SERINC2: variants seen among roughly 807,000 people sequenced by gnomAD.
SERINC2 encodes the protein tumor differentially expressed protein 2.
In SERINC2, 56 loss-of-function variants were observed where a neutral mutation model predicts 54.2. That is an observed-to-expected ratio of 1.03 (90% confidence interval 0.83 to 1.29). The LOEUF is 1.29. Among genes scored for constraint, SERINC2 ranks in the 50% most tolerant of loss-of-function variants. The pLI, the probability that SERINC2 is intolerant of heterozygous loss-of-function variation, is 0.00. For synonymous variants in SERINC2, 272 were observed against 253.1 expected (o/e 1.07, Z -0.71); for missense variants, 614 against 607.4 (o/e 1.01, Z -0.12).
chr1:31,432,740 T>C (rs1206278332), intron 8 of SERINC2, among the ~76,000 whole-genome samples: 4 of 152,108 alleles, frequency 2.6e-5, no homozygotes, highest in Admixed American at 6.5e-5. Flanking sequence ...GATTATCCCT[T>C]ATTTTACAGA....
intron 1 of SERINC2, among the ~76,000 whole-genome samples, chr1:31,416,058 C>A (rs1553132168): frequency 6.6e-6 from 1 of 152,140 alleles, no homozygotes; most frequent in African/African-American, 2.4e-5. Flanking sequence ...TGGGTCAGAC[C>A]ACTGGACTCG....
chr1:31,432,444 A>G (rs1207278817), intron 8 of SERINC2, among the ~76,000 whole-genome samples: 2 of 152,096 alleles, frequency 1.3e-5, no homozygotes, highest in African/African-American at 2.4e-5. Flanking sequence ...TAGTGTAAGC[A>G]TGAAGGAAAG....
At chr1:31,423,053 A>G (rs546192837) in intron 1 of SERINC2, among the ~76,000 whole-genome samples, 29 of 152,362 alleles carry the variant, frequency 1.9e-4, no homozygotes, top group African/African-American at 6.5e-4. Flanking sequence ...TTCCTTCAAC[A>G]GATAGCCTGT....
chr1:31,414,178 G>T, intron 1 of SERINC2: 4 of 1,399,972 alleles, frequency 2.9e-6, no homozygotes, highest in Non-Finnish European at 3.7e-6. Flanking sequence ...CTGTGGGGAG[G>T]CCAACCTCTG....
At chr1:31,418,716 C>T (rs1553132493) in intron 1 of SERINC2, among the ~76,000 whole-genome samples, 3 of 152,166 alleles carry the variant, frequency 2.0e-5, no homozygotes, top group African/African-American at 7.2e-5. Flanking sequence ...CAGCCCTCAG[C>T]TGCCTCCCTT....
At chr1:31,412,287 A>G (rs1395899712), upstream of SERINC2, among the ~76,000 whole-genome samples, 2 of 152,058 alleles carry the variant, frequency 1.3e-5, no homozygotes, top group Admixed American at 6.6e-5. Context: ...GGTCTCTCAC[A>G]CCTACCCCTG....
chr1:31,424,706 GGC>G lies in SERINC2; in HGVS notation c.226_227del (p.Ala76ArgfsTer60). On this transcript the variant is annotated frameshift_variant, in exon 3 of 10. Transcript: ENST00000373709. LOFTEE classifies it high-confidence loss of function. ...AGCTGCCCTGGGTGTGTGAGGAGGG[GGC>G]CGGGATCCCCACCGTCCTGCAGGGC... is the stretch of plus-strand genomic sequence containing the variant. ...YKLPWVCEEG[A>X]GIPTVLQGHI... 1 of 1,603,282 alleles carries G rather than the reference GGC, an allele frequency of 6.2e-7. No homozygotes were observed. Among genetic ancestry groups the G allele is most frequent in the Non-Finnish European group, 8.5e-7 (1 of 1,175,176 alleles).
chr1:31,425,455 T>A, intron 4 of SERINC2, 46 bp downstream of exon 4: 1 of 1,392,172 alleles, frequency 7.2e-7, no homozygotes. Context: ...GGGAGGGAAG[T>A]GGGGCGGCAG....
At chr1:31,432,647 T>TTATATTC (rs1166647945) in intron 8 of SERINC2, among the ~76,000 whole-genome samples, 6 of 152,150 alleles carry the variant, frequency 3.9e-5, no homozygotes, top group Non-Finnish European at 8.8e-5. Flanking sequence ...TTGATTGAAT[T>TTATATTC]TATATTCTGT....
upstream of SERINC2, chr1:31,413,199 G>A (rs1640686602): frequency 5.7e-6 from 6 of 1,054,582 alleles, no homozygotes; most frequent in Middle Eastern, 1.3e-3. This position sits in a 1 kb window ranked among gnomAD's most constrained non-coding sequence, Gnocchi z 5.0. Flanking sequence ...GGCCAGGCCC[G>A]GCACCCGGAT....
At chr1:31,432,928 A>C (rs782659373) in intron 8 of SERINC2, 39 bp from the exon 9 acceptor site, 21 of 1,503,580 alleles carry the variant, frequency 1.4e-5, no homozygotes, top group Admixed American at 1.9e-5. Context: ...GAGCAACGCC[A>C]GAGCTATCTA....
rs556236898 is a variant in SERINC2 at position 31,434,670 on chromosome 1, C to A, written c.*471C>A. ...ACTTTTTCTAATAAACAAGCCAGTG[C>A]GTGTACCATGTTCTGTGCCCCTCAC... On this transcript the variant is annotated 3_prime_UTR_variant, in exon 10 of 10. Coordinates refer to ENST00000373709, the MANE Select transcript of SERINC2 (RefSeq NM_178865.5). The A allele has an allele frequency of 5.7e-6, 1 of 174,888 alleles. No homozygotes were observed. The highest frequency in any genetic ancestry group is 1.2e-5 in the Non-Finnish European group (1 of 80,934). The allele number at this position is 174,888 out of a possible 1,614,324, so 10.8% of individuals were successfully genotyped here.
chr1:31,412,524 G>A (rs1426088971), upstream of SERINC2, among the ~76,000 whole-genome samples: 1 of 152,126 alleles, frequency 6.6e-6, no homozygotes. Flanking sequence ...GAAGCAGTAG[G>A]TGGGCATGGT....
At chr1:31,410,412 G>T, upstream of SERINC2, 1 of 1,549,118 alleles carries the variant, frequency 6.5e-7, no homozygotes, top group Non-Finnish European at 8.7e-7. Context: ...GAGAGAGGAG[G>T]AGTCACCCGG....
At chr1:31,423,915 G>A in intron 2 of SERINC2, 61 bp downstream of exon 2, 2 of 1,516,286 alleles carry the variant, frequency 1.3e-6, no homozygotes, top group African/African-American at 1.4e-5. Flanking sequence ...CTCCAGGATA[G>A]AGGGCCCAGG....
intron 8 of SERINC2, among the ~76,000 whole-genome samples, chr1:31,432,462 A>G (rs1641333353): frequency 6.6e-6 from 1 of 152,118 alleles, no homozygotes; most frequent in Non-Finnish European, 1.5e-5. Flanking sequence ...AAGGGAGGCC[A>G]TTGGTAAAAC....
rs1641022190 is a variant in SERINC2, at chr1:31,425,689, CG to C, written c.473-85del. 2.3e-5 allele frequency: 34 copies of C among 1,472,900 alleles called. No homozygotes were observed. In the South Asian group the frequency reaches 4.3e-4, roughly 18 times the overall value. The allele number at this position is 1,472,900 out of a possible 1,614,324, so 91.2% of individuals were successfully genotyped here. On this transcript the variant is annotated intron_variant, in intron 4 of 9. Transcript: ENST00000373709. ...GGGACTCTGTTCTTCTCAGTGTCCC[CG>C]GTGCAGGGTGTAGCAGAAAACGCTT...
chr1:31,432,455 G>T (rs1553134850), intron 8 of SERINC2, among the ~76,000 whole-genome samples: 1 of 151,988 alleles, frequency 6.6e-6, no homozygotes, highest in African/African-American at 2.4e-5. Flanking sequence ...TGAAGGAAAG[G>T]GAGGCCATTG....
intron 6 of SERINC2, 114 bp from the exon 7 acceptor site, chr1:31,428,864 T>G: frequency 1.4e-6 from 1 of 720,818 alleles, no homozygotes; most frequent in South Asian, 1.6e-5. Flanking sequence ...TGGGGTGTGG[T>G]GGGGTATCCT....
Sources: gnomAD v4.1 joint callset for allele counts (sites outside exome capture counted in the v4.1 genomes callset) on GRCh38, gnomAD v4.1.1 for gene constraint, Gnocchi (gnomAD v3.1) non-coding constraint, MANE v1.5 for transcripts, NCBI Gene and HGNC (gene_info 2026-07-23, HGNC 2026-07-21) for gene names.